The following RAB3IP variants were observed in gnomAD, a reference collection of about 807,000 sequenced individuals.
The protein encoded by RAB3IP is RAB3A interacting protein, also known as rab-3A-interacting protein.
Under a neutral mutation model 59.1 loss-of-function variants are expected in RAB3IP, and 36 were observed. That is an observed-to-expected ratio of 0.61 (90% CI 0.47 to 0.80). RAB3IP has a LOEUF of 0.80. Ranked by LOEUF, RAB3IP falls within the 30% of genes least tolerant of loss-of-function variation. The pLI is 0.00. For synonymous variants in RAB3IP, 207 were observed against 191.2 expected, an observed-to-expected ratio of 1.08 and a Z score of -0.68; for missense variants, 511 against 536.0, an observed-to-expected ratio of 0.95 and a Z score of 0.46.
intron 1 of RAB3IP, among the ~76,000 whole-genome samples, chr12:69,746,653 T>C (rs572690125): frequency 6.6e-6 from 1 of 152,338 alleles, no homozygotes; most frequent in South Asian, 2.1e-4. Flanking sequence ...ATATAATTTA[T>C]CACATATATG....
At chr12:69,773,144 G>T (rs1873432541) in intron 3 of RAB3IP, among the ~76,000 whole-genome samples, 1 of 152,026 alleles carries the variant, frequency 6.6e-6, no homozygotes, top group Admixed American at 6.6e-5. Flanking sequence ...CAAGGTTCTT[G>T]CTGAGAAGTT....
intron 1 of RAB3IP, among the ~76,000 whole-genome samples, chr12:69,749,166 G>A (rs1474758129): frequency 6.6e-6 from 1 of 152,206 alleles, no homozygotes; most frequent in Non-Finnish European, 1.5e-5. Flanking sequence ...AAGGTAAGTG[G>A]CGGACAAGCG....
At chr12:69,750,823 T>A (rs115583074) in intron 1 of RAB3IP, among the ~76,000 whole-genome samples, 197 of 152,162 alleles carry the variant, frequency 1.3e-3, no homozygotes, top group African/African-American at 3.9e-3. Flanking sequence ...ATTGTCTCCG[T>A]TTTTGTGACA....
rs1870077121 is a variant in RAB3IP, at chr12:69,755,620, C to A, written c.212C>A (p.Ser71Tyr). The A allele has an allele frequency of 6.2e-7, 1 of 1,613,558 alleles. No homozygotes were observed. The highest frequency in any genetic ancestry group is 8.5e-7 in the Non-Finnish European group (1 of 1,179,636). Residue 71 changes from serine (S) to tyrosine (Y), a missense_variant, in exon 2 of 11, where the codon TCC (serine) becomes TAC (tyrosine). Ser to Tyr is a moderately radical substitution (Grantham distance 144, BLOSUM62 -2). Coordinates refer to ENST00000247833, the MANE Select transcript of RAB3IP (RefSeq NM_022456.5). The part of the protein sequence containing the change: ...SELPTQPVYS[S>Y]PRRLNCAEIS... Reference sequence around the variant, plus strand: ...CTTCCTACACAACCCGTGTATTCATCCCCCAGACGTTTAAATTGTGCGGAA... The same window carrying A: ...CTTCCTACACAACCCGTGTATTCATACCCCAGACGTTTAAATTGTGCGGAA...
At chr12:69,752,331 A>G (rs1055764930) in intron 1 of RAB3IP, among the ~76,000 whole-genome samples, 5 of 150,530 alleles carry the variant, frequency 3.3e-5, no homozygotes, top group African/African-American at 1.2e-4. Context: ...TTATATATAT[A>G]TATTTATTTA....
chr12:69,779,603 A>G (rs531921713), intron 3 of RAB3IP, among the ~76,000 whole-genome samples: 1 of 147,858 alleles, frequency 6.8e-6, no homozygotes, highest in South Asian at 2.1e-4. Flanking sequence ...GAGCTCACTC[A>G]TCGTTTCTTC....
chr12:69,789,823 TATA>T (rs1452532324), intron 4 of RAB3IP, among the ~76,000 whole-genome samples: 2 of 152,170 alleles, frequency 1.3e-5, no homozygotes, highest in Non-Finnish European at 2.9e-5. Flanking sequence ...AATAGAATGA[TATA>T]ATAATATACA....
intron 7 of RAB3IP, among the ~76,000 whole-genome samples, chr12:69,801,167 G>A (rs1878310231): frequency 6.6e-6 from 1 of 152,134 alleles, no homozygotes; most frequent in Non-Finnish European, 1.5e-5. Context: ...TAATTCTTTT[G>A]TAGACTCACT....
intron 2 of RAB3IP, among the ~76,000 whole-genome samples, chr12:69,755,954 T>G (rs1466548114): frequency 1.3e-5 from 2 of 152,248 alleles, no homozygotes; most frequent in African/African-American, 4.8e-5. Context: ...AGAGTGGTTG[T>G]GTTCCAATAA....
At position 69,821,909 on chromosome 12, in the gene RAB3IP, A is replaced by G. The variant is rs962870291; in HGVS notation, c.*6463A>G. On this transcript the variant is annotated 3_prime_UTR_variant, in exon 11 of 11. Transcript: ENST00000247833. ...CACTTATCTGCTGGGCCTTGGAAGT[A>G]TTTCAGTTCGGAACCCCAATTCTAA... 1 of 152,204 alleles carries G rather than the reference A, an allele frequency of 6.6e-6. No individual in the cohort carries two copies. The highest frequency in any genetic ancestry group is 1.9e-4 in the East Asian group (1 of 5,180). 9.4% of individuals were successfully genotyped at this position (152,204 alleles called of 1,614,324 possible). A position where few individuals can be genotyped will look rare whatever the true frequency, so the allele number is the denominator to read the frequency against.
intron 3 of RAB3IP, among the ~76,000 whole-genome samples, chr12:69,782,258 G>A (rs892404563): frequency 9.2e-5 from 14 of 152,092 alleles, no homozygotes; most frequent in African/African-American, 3.1e-4. Context: ...TCCACCTCCC[G>A]GGTTCAAGTG....
chr12:69,745,362 TA>T (rs977605279), intron 1 of RAB3IP, among the ~76,000 whole-genome samples: 1 of 151,906 alleles, frequency 6.6e-6, no homozygotes, highest in Non-Finnish European at 1.5e-5. Context: ...CTACACTTTT[TA>T]AAAAAATACA....
chr12:69,780,939 C>G (rs1225118867), intron 3 of RAB3IP, among the ~76,000 whole-genome samples: 1 of 152,006 alleles, frequency 6.6e-6, no homozygotes, highest in African/African-American at 2.4e-5. Context: ...ACTAAACTGT[C>G]TCTTCCCTTT....
chr12:69,764,366 G>C (rs1871857116), intron 3 of RAB3IP, among the ~76,000 whole-genome samples: 1 of 152,148 alleles, frequency 6.6e-6, no homozygotes. Context: ...CATATGCCTA[G>C]CCAGCTATCC....
intron 4 of RAB3IP, among the ~76,000 whole-genome samples, chr12:69,791,870 A>C (rs1876678776): frequency 6.6e-6 from 1 of 152,218 alleles, no homozygotes; most frequent in Non-Finnish European, 1.5e-5. Context: ...TTCCATGTTC[A>C]TTGCAGCATT....
chr12:69,808,008 G>C (rs1268456096), intron 8 of RAB3IP, among the ~76,000 whole-genome samples: 2 of 152,200 alleles, frequency 1.3e-5, no homozygotes, highest in Non-Finnish European at 2.9e-5. Flanking sequence ...GATCTTTCCT[G>C]CTTTCTCTTG....
chr12:69,739,772 G>C, intron 1 of RAB3IP: 2 of 1,564,040 alleles, frequency 1.3e-6, no homozygotes, highest in Non-Finnish European at 8.8e-7. Context: ...GACCGCCCAG[G>C]AAGCGCGAGC....
intron 1 of RAB3IP, chr12:69,739,493 C>G (rs1321201982): frequency 3.3e-6 from 1 of 300,112 alleles, no homozygotes; most frequent in African/African-American, 2.2e-5. Context: ...GGAAGCAGCT[C>G]ACAACACCGG....
intron 4 of RAB3IP, among the ~76,000 whole-genome samples, chr12:69,786,945 G>A (rs1186211182): frequency 1.3e-5 from 2 of 152,198 alleles, no homozygotes; most frequent in Non-Finnish European, 2.9e-5. Flanking sequence ...TGGTAATGAA[G>A]AAAGTTGTAT....
Sources: gnomAD v4.1 joint callset for allele counts (sites outside exome capture counted in the v4.1 genomes callset) on GRCh38, gnomAD v4.1.1 for gene constraint, MANE v1.5 for transcripts, NCBI Gene and HGNC (gene_info 2026-07-23, HGNC 2026-07-21) for gene names.